SHARPIN: variants seen among roughly 807,000 people sequenced by gnomAD.
SHARPIN encodes hSIPL1.
SHARPIN carries 25 observed loss-of-function variants against 40.3 expected under a neutral mutation model. That is an observed-to-expected ratio of 0.62 (90% confidence interval 0.45 to 0.87). The LOEUF is 0.87. Ranked by LOEUF, SHARPIN falls within the 40% of genes least tolerant of loss-of-function variation. The pLI, the probability that SHARPIN is intolerant of heterozygous loss-of-function variation, is 0.00. For missense variants in SHARPIN, 551 were observed against 516.1 expected (o/e 1.07, Z -0.66); for synonymous variants, 274 against 221.8 (o/e 1.24, Z -2.09).
Position 144,098,684 on chromosome 8 carries a change from A to G in SHARPIN, c.*117T>C, listed in dbSNP as rs1190339253. Reference sequence around the variant, plus strand: ...GTTTCATTTTGTGGCCCTTCCCCCCAACCCTGGTGACTGTCCCAGCAAGCA... The same window carrying G: ...GTTTCATTTTGTGGCCCTTCCCCCCGACCCTGGTGACTGTCCCAGCAAGCA... On this transcript the variant is annotated 3_prime_UTR_variant, in exon 9 of 9. Coordinates refer to ENST00000398712, the MANE Select transcript of SHARPIN (RefSeq NM_030974.4). The G allele has an allele frequency of 2.0e-6, 1 of 495,492 alleles. No individual in the cohort carries two copies. The highest frequency in any genetic ancestry group is 3.5e-6 in the Non-Finnish European group (1 of 281,784). The allele number at this position is 495,492 out of a possible 1,614,324, so 30.7% of individuals were successfully genotyped here.
In SHARPIN at chr8:144,099,954, C is replaced by G. The variant is rs1024247966; in HGVS notation, c.492G>C (p.Arg164Ser). The change falls in exon 3 of 9, where the codon AGG (arginine) becomes AGC (serine). Residue 164 changes from arginine to serine, a missense_variant. Coordinates refer to ENST00000398712, the MANE Select transcript of SHARPIN (RefSeq NM_030974.4). ...KGPPPEADLP[R>S]SPGNLTEREE... ...CTCTCTCCGTCAAGTTTCCAGGGCT[C>G]CTAGGAAGATCTGCCTCAGGTGGAG... 1.1e-5 allele frequency: 18 copies of G among 1,607,176 alleles called. No homozygotes were observed. In the African/African-American group the frequency reaches 1.2e-4, roughly 11 times the overall value.
chr8:144,103,029 G>A, intron 2 of SHARPIN, 22 bp downstream of exon 2: 1 of 1,612,724 alleles, frequency 6.2e-7, no homozygotes, highest in Non-Finnish European at 8.5e-7. Flanking sequence ...AATTGTAATT[G>A]TATCCATTAC....
chr8:144,099,893 T>TGCCCCCACCCCCCCC, intron 3 of SHARPIN, 36 bp downstream of exon 3: 1 of 1,551,008 alleles, frequency 6.4e-7, no homozygotes, highest in Non-Finnish European at 8.8e-7. Context: ...CTATCTGCTA[T>TGCCCCCACCCCCCCC]CCCCGAACCC....
intron 2 of SHARPIN, among the ~76,000 whole-genome samples, chr8:144,101,329 T>G (rs1026052194): frequency 6.6e-6 from 1 of 150,878 alleles, no homozygotes; most frequent in African/African-American, 2.4e-5. Flanking sequence ...CTAGAACCCC[T>G]GGGCTCAAGT....
Position 144,100,016 on chromosome 8 carries a change from G to A in SHARPIN, c.430C>T (p.Leu144=). 1 of 1,602,252 alleles carries A rather than the reference G, an allele frequency of 6.2e-7. No homozygotes were observed. The highest frequency in any genetic ancestry group is 8.5e-7 in the Non-Finnish European group (1 of 1,174,122). Residue 144 remains leucine (L), a synonymous_variant, in exon 3 of 9, where the codon CTG becomes TTG. Transcript: ENST00000398712. ...GTGGAGGCTTCCGGGGGACTGGGCAGGGAGACAGGGCATGCTTCTGGGCCC... is the reference window on the plus strand; with the variant it reads ...GTGGAGGCTTCCGGGGGACTGGGCAAGGAGACAGGGCATGCTTCTGGGCCC... ...ALGPEACPVS[L]PSPPEASTLK...
chr8:144,098,923 G>A lies in SHARPIN; in HGVS notation c.1119C>T (p.Thr373=). The A allele has an allele frequency of 1.3e-6, 2 of 1,593,186 alleles. No individual in the cohort carries two copies. The highest frequency in any genetic ancestry group is 1.7e-6 in the Non-Finnish European group (2 of 1,174,186). Residue 373 remains threonine, a synonymous_variant, in exon 8 of 9, where the codon ACC becomes ACT. Transcript: ENST00000398712. ...PDRPGCEMCS[T]QRPCTWDPLA... The stretch of plus-strand genomic sequence containing the variant: ...GGGGGTCCCAAGTGCAGGGCCTCTG[G>A]GTGCTACACATCTCACAGCCAGGGC...
Position 144,103,691 on chromosome 8 carries a change from G to C in SHARPIN, c.63C>G (p.Leu21=). 1 of 1,492,568 alleles carries C rather than the reference G, an allele frequency of 6.7e-7. No individual in the cohort carries two copies. Among genetic ancestry groups the C allele is most frequent in the African/African-American group, 1.5e-5 (1 of 68,364 alleles). 92.5% of individuals were successfully genotyped at this position (1,492,568 alleles called of 1,614,324 possible). A position where few individuals can be genotyped will look rare whatever the true frequency, so the allele number is the denominator to read the frequency against. ...GCCTCACCGCGGCGTGCACAGCCAA[G>C]AGCACTGCGGCGGAGCCCAAGTCCG... ...AASDLGSAAV[L]LAVHAAVRPL... is the part of the protein sequence containing the mutation. The change falls in exon 1 of 9, where the codon CTC becomes CTG. Residue 21 remains leucine (L), a synonymous_variant. Transcript: ENST00000398712.
Position 144,098,664 on chromosome 8 carries a change from AT to A in SHARPIN, c.*136del. ...GCTCTTAAGGGTCTTTAATGGTTTC[AT>A]TTTGTGGCCCTTCCCCCCAACCCTG... On this transcript the variant is annotated 3_prime_UTR_variant, in exon 9 of 9. Transcript: ENST00000398712. 2.2e-6 allele frequency: 1 copy of A among 454,812 alleles called. No homozygotes were observed. Among genetic ancestry groups the A allele is most frequent in the Admixed American group, 4.1e-5 (1 of 24,496 alleles). The allele number at this position is 454,812 out of a possible 1,614,324, so 28.2% of individuals were successfully genotyped here. A position where few individuals can be genotyped will look rare whatever the true frequency, so the allele number is the denominator to read the frequency against.
At chr8:144,103,252 G>A in intron 1 of SHARPIN, 27 bp from the exon 2 acceptor site, 1 of 1,574,850 alleles carries the variant, frequency 6.3e-7, no homozygotes, top group Non-Finnish European at 8.6e-7. Context: ...TCCAGGCTCA[G>A]GGCGTCCCCC....
intron 2 of SHARPIN, 184 bp downstream of exon 2, chr8:144,102,867 T>C (rs1836315803): frequency 1.4e-6 from 1 of 698,288 alleles, no homozygotes; most frequent in African/African-American, 1.8e-5. Context: ...GGGCCTCAGA[T>C]GGTGTAGGAG....
At chr8:144,102,844 C>A in intron 2 of SHARPIN, 1 of 654,298 alleles carries the variant, frequency 1.5e-6, no homozygotes, top group Non-Finnish European at 2.7e-6. Flanking sequence ...GAGGCTGCAA[C>A]TTGTGCTGGC....
At position 144,099,008 on chromosome 8, in the gene SHARPIN, G is replaced by A. The variant is rs755155409; in HGVS notation, c.1048-14C>T. The A allele has an allele frequency of 2.1e-4, 338 of 1,599,532 alleles. 1 individual carries two copies. The highest frequency in any genetic ancestry group is 2.6e-4 in the Non-Finnish European group (302 of 1,174,382). ...GGACCAGCTGGGCTGGGGGAAGAGA[G>A]ACAGTTGTTGCTTCCCTGCTCTTTC... is the stretch of plus-strand genomic sequence containing the variant. On this transcript the variant is annotated splice_polypyrimidine_tract_variant and intron_variant, in intron 7 of 8. Transcript: ENST00000398712.
rs768308625 is a variant in SHARPIN, at chr8:144,099,122, C to A, written c.1006G>T (p.Gly336Cys). The change falls in exon 7 of 9, where the codon GGC (glycine) becomes TGC (cysteine). Residue 336 changes from glycine (G) to cysteine (C), a missense_variant. Physicochemically the swap from Gly to Cys is radical, Grantham distance 159. Coordinates refer to ENST00000398712, the MANE Select transcript of SHARPIN (RefSeq NM_030974.4). ...AGGCTGGAGGCAGCTGGCTGGGGGC[C>A]TGGGGGTAGCCCCAATGATGGGGGA... Reference protein sequence around the residue: ...LFPPSLGLPPGPQPAASSLPS... With the variant: ...LFPPSLGLPPCPQPAASSLPS... 1 of 1,587,910 alleles carries A rather than the reference C, an allele frequency of 6.3e-7. No individual in the cohort carries two copies.
At chr8:144,100,460 C>G (rs1020582990) in intron 2 of SHARPIN, among the ~76,000 whole-genome samples, 4 of 152,226 alleles carry the variant, frequency 2.6e-5, no homozygotes, top group Admixed American at 1.3e-4. Context: ...GGCTCCCTGA[C>G]CCACACCTGG....
Position 144,099,340 on chromosome 8 carries a change from C to G in SHARPIN, c.859G>C (p.Gly287Arg). ...GCAGGGTCCCCATCCTGCCGAACCC[C>G]GTAAGAGGCAAGGCTGCGCTCAGGC... ...CVPERSLASYGVRQDGDPAFL... is the reference protein window; with the variant it reads ...CVPERSLASYRVRQDGDPAFL... The change falls in exon 6 of 9, where the codon GGG becomes CGG. Residue 287 changes from glycine to arginine, a missense_variant. Transcript: ENST00000398712. 1 of 1,614,120 alleles carries G rather than the reference C, an allele frequency of 6.2e-7. No individual in the cohort carries two copies. Among genetic ancestry groups the G allele is most frequent in the Non-Finnish European group, 8.5e-7 (1 of 1,180,006 alleles).
At chr8:144,099,866 G>A (rs1836251967) in intron 3 of SHARPIN, 22 bp from the exon 4 acceptor site, 1 of 1,611,840 alleles carries the variant, frequency 6.2e-7, no homozygotes, top group Non-Finnish European at 8.5e-7. Flanking sequence ...GGAAAGGACA[G>A]CTGTCACCAC....
chr8:144,103,665 G>C lies in SHARPIN; in HGVS notation c.89C>G (p.Pro30Arg), dbSNP rs1408438976. ...VLLAVHAAVR[P>R]LGAGPDAEAQ... ...CTCGGCGTCTGGCCCGGCGCCCAGC[G>C]GCCTCACCGCGGCGTGCACAGCCAA... The change falls in exon 1 of 9, where the codon CCG becomes CGG. Residue 30 changes from proline to arginine, a missense_variant. Physicochemically the swap from Pro to Arg is moderately radical, Grantham distance 103. Coordinates refer to ENST00000398712, the MANE Select transcript of SHARPIN (RefSeq NM_030974.4). 1 of 1,520,916 alleles carries C rather than the reference G, an allele frequency of 6.6e-7. No individual in the cohort carries two copies. The highest frequency in any genetic ancestry group is 2.0e-5 in the Admixed American group (1 of 50,142). The allele number at this position is 1,520,916 out of a possible 1,614,324, so 94.2% of individuals were successfully genotyped here.
chr8:144,102,485 G>T (rs1473012862), intron 2 of SHARPIN, among the ~76,000 whole-genome samples: 2 of 152,014 alleles, frequency 1.3e-5, no homozygotes, highest in Non-Finnish European at 2.9e-5. Flanking sequence ...TGCTGACCAG[G>T]CTGGTCTCAA....
intron 2 of SHARPIN, chr8:144,102,719 GGAT>G: frequency 2.3e-6 from 1 of 438,152 alleles, no homozygotes; most frequent in South Asian, 2.3e-5. Flanking sequence ...GCTGCTCTTG[GGAT>G]GATGTCTTCT....
Sources: allele counts gnomAD v4.1 joint callset (sites outside exome capture counted in the v4.1 genomes callset), GRCh38; gene constraint gnomAD v4.1.1; transcripts MANE v1.5; gene names NCBI Gene and HGNC (gene_info 2026-07-23, HGNC 2026-07-21).